Variants in MED16 observed in about 807,000 individuals in gnomAD.
The protein encoded by MED16 is mediator of RNA polymerase II transcription subunit 16.
In MED16, 81 loss-of-function variants were observed where a neutral mutation model predicts 84.4. That is an observed-to-expected ratio of 0.96 (90% CI 0.80 to 1.15). MED16 has a LOEUF of 1.15. MED16 is among the 50% of genes most tolerant of loss of function. MED16 has a pLI of 0.00. For missense variants in MED16, 1,585 were observed against 1,245.9 expected (o/e 1.27, Z -4.10); for synonymous variants, 897 against 552.2 (o/e 1.62, Z -8.76).
In MED16 at chr19:868,483, T is replaced by C; in HGVS notation, c.2416A>G (p.Met806Val). 6.2e-7 allele frequency: 1 copy of C among 1,610,886 alleles called. No individual in the cohort carries two copies. Among genetic ancestry groups the C allele is most frequent in the Non-Finnish European group, 8.5e-7 (1 of 1,179,860 alleles). ...GTGGTTCTGTTGGGCGACTTGAGCA[T>C]GGTGACACAGCCGCACCTGCGGGGA... The part of the protein sequence containing the change: ...KACTRCGCVT[M>V]LKSPNRTTAV... The change falls in exon 15 of 16, where the codon ATG becomes GTG. Residue 806 changes from methionine (M) to valine (V), a missense_variant. By Grantham distance (21) the Met-to-Val change is conservative (BLOSUM62 1). Transcript: ENST00000325464.
At chr19:879,799 C>T in intron 8 of MED16, 138 bp downstream of exon 8, 3 of 1,068,640 alleles carry the variant, frequency 2.8e-6, no homozygotes, top group Non-Finnish European at 4.1e-6. Flanking sequence ...TCGCCTTCCC[C>T]TGGCTGTCAA....
At chr19:884,099 G>GCCCCACGTGC (rs1171529484) in intron 6 of MED16, among the ~76,000 whole-genome samples, 1 of 152,106 alleles carries the variant, frequency 6.6e-6, no homozygotes, top group Non-Finnish European at 1.5e-5. Context: ...TGCCCCACCT[G>GCCCCACGTGC]CCCCACGTGC....
rs778966446 is a variant in MED16, at chr19:885,905, C to T, written c.744G>A (p.Val248=). The part of the protein sequence containing the change: ...PVQFYKVCVS[V]VSEKCRIDTE... ...TGTCGATACGGCACTTCTCGCTCACCACGCTCACGCACACCTTGTAGAACT... is the reference window on the plus strand; with the variant it reads ...TGTCGATACGGCACTTCTCGCTCACTACGCTCACGCACACCTTGTAGAACT... Residue 248 remains valine (V), a synonymous_variant, in exon 5 of 16, where the codon GTG becomes GTA. Coordinates refer to ENST00000325464, the MANE Select transcript of MED16 (RefSeq NM_005481.3). 1 of 1,613,608 alleles carries T rather than the reference C, an allele frequency of 6.2e-7. No homozygotes were observed. Among genetic ancestry groups the T allele is most frequent in the East Asian group, 2.2e-5 (1 of 44,874 alleles).
intron 14 of MED16, 121 bp downstream of exon 14, chr19:868,742 C>T (rs2035976183): frequency 3.4e-6 from 4 of 1,181,076 alleles, no homozygotes; most frequent in African/African-American, 3.1e-5. Flanking sequence ...TCCAACACTC[C>T]CTCTGGGACG....
chr19:874,897 C>T (rs1304003098), intron 10 of MED16, among the ~76,000 whole-genome samples: 1 of 152,094 alleles, frequency 6.6e-6, no homozygotes, highest in Non-Finnish European at 1.5e-5. Flanking sequence ...TAATCCCAGC[C>T]TTTAGGCTAT....
At chr19:887,529 G>A (rs1383920097) in intron 4 of MED16, among the ~76,000 whole-genome samples, 25 of 152,036 alleles carry the variant, frequency 1.6e-4, no homozygotes, top group Admixed American at 1.3e-3. Flanking sequence ...AGCCGGGCGC[G>A]GTGGTGCGTG....
At position 868,849 on chromosome 19, in the gene MED16, C is replaced by T. The variant is rs200159274; in HGVS notation, c.2399+14G>A. The stretch of plus-strand genomic sequence containing the variant: ...GCACATCTCTGGGAGTCAGCGGTTC[C>T]GGGGGCCCCTCACCTGGTGCAGGCC... On this transcript the variant is annotated intron_variant, in intron 14 of 15. Transcript: ENST00000325464. The T allele has an allele frequency of 6.9e-4, 1,067 of 1,545,404 alleles. 9 individuals are homozygous for T. The African/African-American group carries it at 0.014, about 20-fold the overall frequency.
At chr19:887,342 G>A (rs555405198) in intron 4 of MED16, among the ~76,000 whole-genome samples, 51 of 152,142 alleles carry the variant, frequency 3.4e-4, no homozygotes, top group African/African-American at 1.2e-3. Flanking sequence ...TATGTTAAAG[G>A]AGCACATGTG....
intron 4 of MED16, among the ~76,000 whole-genome samples, chr19:889,156 C>A (rs1041539286): frequency 6.9e-6 from 1 of 144,812 alleles, no homozygotes; most frequent in Non-Finnish European, 1.5e-5. Flanking sequence ...AACTGTCCCC[C>A]CCAACCCTGG....
chr19:871,477 G>A (rs1487505745), intron 12 of MED16: 57 of 1,455,772 alleles, frequency 3.9e-5, no homozygotes, highest in Non-Finnish European at 5.2e-5. Context: ...CCTGTCATGA[G>A]ACTCCCTCAT....
chr19:885,109 G>C, intron 5 of MED16, 101 bp from the exon 6 acceptor site: 2 of 869,302 alleles, frequency 2.3e-6, no homozygotes, highest in Non-Finnish European at 3.6e-6. Context: ...GCACTGCTGG[G>C]CCTGTCTCTT....
chr19:873,676 C>T lies in MED16; in HGVS notation c.1772-94G>A, dbSNP rs2036157096. Reference sequence around the variant, plus strand: ...CGGTCCTTCGACCTGCACTGAGTGCCCACCCAGTACCAGGACACAAGGGGA... The same window carrying T: ...CGGTCCTTCGACCTGCACTGAGTGCTCACCCAGTACCAGGACACAAGGGGA... On this transcript the variant is annotated intron_variant, in intron 10 of 15. Coordinates refer to ENST00000325464, the MANE Select transcript of MED16 (RefSeq NM_005481.3). The T allele has an allele frequency of 9.3e-6, 13 of 1,400,674 alleles. No homozygotes were observed. The Admixed American group carries it at 2.3e-4, about 25-fold the overall frequency. 86.8% of individuals were successfully genotyped at this position (1,400,674 alleles called of 1,614,324 possible). A position where few individuals can be genotyped will look rare whatever the true frequency, so the allele number is the denominator to read the frequency against.
intron 7 of MED16, among the ~76,000 whole-genome samples, chr19:880,533 A>G (rs2036398503): frequency 1.3e-5 from 2 of 151,650 alleles, no homozygotes; most frequent in African/African-American, 4.8e-5. Context: ...TGTCACTCAC[A>G]CTGGGGTCTG....
chr19:870,417 T>C (rs1599313894), intron 13 of MED16, among the ~76,000 whole-genome samples: 1 of 151,558 alleles, frequency 6.6e-6, no homozygotes, highest in African/African-American at 2.4e-5. Flanking sequence ...AAAAAATACC[T>C]AGGTGTGGTG....
In MED16 at chr19:886,041, G is replaced by C; in HGVS notation, c.608C>G (p.Thr203Ser). ...LKPSGQVLTS[T>S]ESLCRLRGRV... ...GCCGCGCAGCCGGCACAGGCTCTCG[G>C]TGGACGTCAGCACCTGCCCGCTGGG... The change falls in exon 5 of 16, where the codon ACC becomes AGC. Residue 203 changes from threonine to serine, a missense_variant. Physicochemically the swap from Thr to Ser is moderately conservative, Grantham distance 58. Transcript: ENST00000325464. 1.3e-6 allele frequency: 2 copies of C among 1,597,280 alleles called. No homozygotes were observed. The highest frequency in any genetic ancestry group is 1.7e-6 in the Non-Finnish European group (2 of 1,175,466).
rs1189278557 is a variant in MED16, at chr19:868,981, G to A, written c.2316-35C>T. ...GAGGGGAGAACGTGAGGGAGGCCTG[G>A]GCACCACGAGGCCAGGTTCCGGCAG... On this transcript the variant is annotated intron_variant, in intron 13 of 15. Transcript: ENST00000325464. 2.0e-6 allele frequency: 3 copies of A among 1,505,524 alleles called. No individual in the cohort carries two copies. In the South Asian group the frequency reaches 3.7e-5, roughly 18 times the overall value. The allele number at this position is 1,505,524 out of a possible 1,614,324, so 93.3% of individuals were successfully genotyped here.
chr19:885,463 C>A (rs142750910), intron 5 of MED16, among the ~76,000 whole-genome samples: 191 of 151,884 alleles, frequency 1.3e-3, no homozygotes, highest in African/African-American at 4.3e-3. Context: ...TGGGGGGGGT[C>A]CGGGGGCCCC....
chr19:872,873 G>T, intron 11 of MED16: 2 of 803,606 alleles, frequency 2.5e-6, no homozygotes, highest in Non-Finnish European at 3.1e-6. Context: ...GGGGCTTTGA[G>T]AATGGGCAGG....
intron 1 of MED16, 124 bp downstream of exon 1, chr19:892,962 C>T (rs972660211): frequency 1.3e-5 from 2 of 151,762 alleles, no homozygotes; most frequent in Admixed American, 1.3e-4. Flanking sequence ...ACCCAGCAGC[C>T]TTTGCTCCCG....
Sources: allele counts gnomAD v4.1 joint callset (sites outside exome capture counted in the v4.1 genomes callset), GRCh38; gene constraint gnomAD v4.1.1; transcripts MANE v1.5; gene names NCBI Gene and HGNC (gene_info 2026-07-23, HGNC 2026-07-21).